The following KCNN2 variants were observed in gnomAD, a reference collection of about 807,000 sequenced individuals.
KCNN2 encodes potassium calcium-activated channel subfamily N member 2.
Under a neutral mutation model 55.5 loss-of-function variants are expected in KCNN2, and 24 were observed. That is an observed-to-expected ratio of 0.43 (90% CI 0.31 to 0.61). The LOEUF is 0.61. Among genes scored for constraint, KCNN2 ranks in the 20% least tolerant of loss-of-function variants. The pLI is 0.08. For missense variants in KCNN2, 754 were observed against 853.6 expected (o/e 0.88, Z 1.45); for synonymous variants, 431 against 336.1 (o/e 1.28, Z -3.09).
chr5:114,488,250 G>C (rs901968045), intron 6 of KCNN2, among the ~76,000 whole-genome samples: 4 of 152,116 alleles, frequency 2.6e-5, no homozygotes, highest in African/African-American at 9.7e-5. Flanking sequence ...CAAGTATCCT[G>C]AGATTTATAG....
chr5:114,148,982 C>G (rs1169530168), intron 1 of KCNN2, among the ~76,000 whole-genome samples: 1 of 152,128 alleles, frequency 6.6e-6, no homozygotes, highest in Non-Finnish European at 1.5e-5. Flanking sequence ...GGAAGTAAAA[C>G]ACCATCTCTC....
intron 2 of KCNN2, among the ~76,000 whole-genome samples, chr5:114,289,544 C>CT (rs1755840095): frequency 1.3e-5 from 2 of 151,686 alleles, no homozygotes; most frequent in Admixed American, 1.3e-4. Context: ...GCCTGGGTAA[C>CT]TTTTGTATTT....
intron 3 of KCNN2, among the ~76,000 whole-genome samples, chr5:114,458,479 C>T (rs540254112): frequency 2.0e-5 from 3 of 152,282 alleles, no homozygotes; most frequent in Admixed American, 2.0e-4. Flanking sequence ...TCCTAAAAAT[C>T]TAGCATGTGG....
chr5:114,251,428 G>A (rs1754858286), intron 2 of KCNN2, among the ~76,000 whole-genome samples: 1 of 152,164 alleles, frequency 6.6e-6, no homozygotes, highest in Non-Finnish European at 1.5e-5. Flanking sequence ...ACTTATTGAT[G>A]AAATGAGAGT....
At chr5:114,381,249 G>C (rs984319309) in intron 2 of KCNN2, among the ~76,000 whole-genome samples, 2 of 152,138 alleles carry the variant, frequency 1.3e-5, no homozygotes, top group African/African-American at 2.4e-5. Flanking sequence ...TAGTTGTGTT[G>C]TCTGACTTTA....
upstream of KCNN2, among the ~76,000 whole-genome samples, chr5:114,360,150 G>C (rs868071322): frequency 6.6e-6 from 1 of 152,256 alleles, no homozygotes; most frequent in Middle Eastern, 3.4e-3. Flanking sequence ...ATTAGCTCAA[G>C]TCCAGGGCTA....
intron 1 of KCNN2, among the ~76,000 whole-genome samples, chr5:114,199,573 C>A (rs1206098448): frequency 6.6e-6 from 1 of 150,482 alleles, no homozygotes; most frequent in Non-Finnish European, 1.5e-5. Context: ...CTTTCTCATC[C>A]TCGTTGTGTG....
At chr5:114,136,435 A>T (rs1752175180) in intron 1 of KCNN2, among the ~76,000 whole-genome samples, 1 of 152,168 alleles carries the variant, frequency 6.6e-6, no homozygotes, top group Non-Finnish European at 1.5e-5. Context: ...GAACCAAATA[A>T]ATTTCTATTC....
intron 4 of KCNN2, among the ~76,000 whole-genome samples, chr5:114,471,997 C>T (rs1761767603): frequency 1.3e-5 from 2 of 152,144 alleles, no homozygotes; most frequent in Non-Finnish European, 2.9e-5. Flanking sequence ...CTGCCTGTGC[C>T]CTGCCATTTA....
At chr5:114,323,666 T>TTTTTTTTTTTTTTTTTTTTTTA in intron 2 of KCNN2, among the ~76,000 whole-genome samples, 1 of 146,864 alleles carries the variant, frequency 6.8e-6, no homozygotes, top group Non-Finnish European at 1.5e-5. Context: ...TTTTTTTTTT[T>TTTTTTTTTTTTTTTTTTTTTTA]TGCTGGTCGG....
chr5:114,121,646 A>G (rs1751831909), intron 1 of KCNN2, among the ~76,000 whole-genome samples: 1 of 152,172 alleles, frequency 6.6e-6, no homozygotes. Context: ...CATGCCTGGT[A>G]GTGGCTGCAC....
intron 2 of KCNN2, among the ~76,000 whole-genome samples, chr5:114,232,931 T>TGTTTTG (rs543948567): frequency 0.016 from 1,360 of 83,252 alleles, 197 homozygotes; most frequent in African/African-American, 0.048. Flanking sequence ...TCTTGTTTTT[T>TGTTTTG]TTTTTTTGAG....
At chr5:114,197,299 C>T (rs1753577612) in intron 1 of KCNN2, among the ~76,000 whole-genome samples, 1 of 152,072 alleles carries the variant, frequency 6.6e-6, no homozygotes, top group Non-Finnish European at 1.5e-5. Flanking sequence ...AATGTGTATT[C>T]TGTTGTTTAA....
intron 2 of KCNN2, among the ~76,000 whole-genome samples, chr5:114,259,143 G>A (rs1755046983): frequency 6.6e-6 from 1 of 152,202 alleles, no homozygotes; most frequent in African/African-American, 2.4e-5. Context: ...AAGAGATGCA[G>A]CCACTCAGAG....
chr5:114,262,281 G>A (rs768361343), intron 2 of KCNN2, among the ~76,000 whole-genome samples: 1 of 151,966 alleles, frequency 6.6e-6, no homozygotes, highest in Non-Finnish European at 1.5e-5. Flanking sequence ...TTTCATAGTG[G>A]ATCCTGAAAA....
At chr5:114,090,892 A>G (rs527416722) in intron 1 of KCNN2, among the ~76,000 whole-genome samples, 77 of 152,170 alleles carry the variant, frequency 5.1e-4, no homozygotes, top group African/African-American at 1.7e-3. Flanking sequence ...TCTGTTGCCC[A>G]GACTGGACAG....
At chr5:114,451,191 T>C (rs1036580782) in intron 3 of KCNN2, among the ~76,000 whole-genome samples, 1 of 152,202 alleles carries the variant, frequency 6.6e-6, no homozygotes, top group African/African-American at 2.4e-5. Context: ...CTTTGTCCTC[T>C]CAGGGAAACA....
intron 2 of KCNN2, among the ~76,000 whole-genome samples, chr5:114,258,653 C>T (rs1755034373): frequency 6.6e-6 from 1 of 152,108 alleles, no homozygotes; most frequent in Non-Finnish European, 1.5e-5. Context: ...TATTGAACTC[C>T]ATGGCCTGAT....
At chr5:114,125,534 A>T (rs986870598) in intron 1 of KCNN2, among the ~76,000 whole-genome samples, 1 of 151,972 alleles carries the variant, frequency 6.6e-6, no homozygotes, top group Non-Finnish European at 1.5e-5. Context: ...ACAACTTCCT[A>T]AAAAAAATCT....
Sources: allele counts gnomAD v4.1 joint callset (sites outside exome capture counted in the v4.1 genomes callset), GRCh38; gene constraint gnomAD v4.1.1; transcripts MANE v1.5; gene names NCBI Gene and HGNC (gene_info 2026-07-23, HGNC 2026-07-21).